SLCO3A1: variants seen among roughly 807,000 people sequenced by gnomAD.
The protein encoded by SLCO3A1 is solute carrier organic anion transporter family member 3A1.
In SLCO3A1, 27 loss-of-function variants were observed where a neutral mutation model predicts 63.1. The ratio of observed to expected loss-of-function variants is 0.43; its 90% CI spans 0.32 to 0.59. The LOEUF (loss-of-function observed/expected upper bound fraction) is 0.59. Ranked by LOEUF, SLCO3A1 falls within the 20% of genes least tolerant of loss-of-function variation. The pLI is 0.09. For missense variants in SLCO3A1, 773 were observed against 945.8 expected, an observed-to-expected ratio of 0.82 and a Z score of 2.40; for synonymous variants, 473 against 409.9, an observed-to-expected ratio of 1.15 and a Z score of -1.86.
At chr15:91,953,945 T>G (rs1049163596) in intron 2 of SLCO3A1, among the ~76,000 whole-genome samples, 1 of 152,224 alleles carries the variant, frequency 6.6e-6, no homozygotes, top group African/African-American at 2.4e-5. Flanking sequence ...AGACTTTTCA[T>G]TCTCAGGACT....
At position 91,926,596 on chromosome 15, in the gene SLCO3A1, T is replaced by TGC. The variant is rs141222641; in HGVS notation, c.646+10147_646+10148dup. 3.0e-3 allele frequency among the ~76,000 whole-genome samples: 317 copies of TGC among 105,234 alleles called. 3 individuals are homozygous for TGC. The highest frequency in any genetic ancestry group is 5.2e-3 in the South Asian group (17 of 3,272). 69.0% of individuals were successfully genotyped at this position (105,234 alleles called of 152,430 possible). On this transcript the variant is annotated intron_variant, in intron 2 of 9. Coordinates refer to ENST00000318445, the MANE Select transcript of SLCO3A1 (RefSeq NM_013272.4). ...GTGTGTGTGTGTGTGTGTGTGTGTG[T>TGC]GCGCGCGCGCACGCCCATGCTTATT...
At chr15:92,143,485 A>ATATAATATATATATATATATATAT (rs2048177916) in intron 7 of SLCO3A1, among the ~76,000 whole-genome samples, 1 of 29,920 alleles carries the variant, frequency 3.3e-5, no homozygotes, top group African/African-American at 1.7e-4. Context: ...TATATATATT[A>ATATAATATATATATATATATATAT]TATATATGTA....
chr15:92,124,785 C>T (rs147028144), intron 5 of SLCO3A1, among the ~76,000 whole-genome samples: 1 of 152,258 alleles, frequency 6.6e-6, no homozygotes, highest in South Asian at 2.1e-4. Context: ...GGAAACCTGT[C>T]TGAAGAGAGT....
intron 3 of SLCO3A1, among the ~76,000 whole-genome samples, chr15:92,102,720 C>A (rs1245865537): frequency 1.3e-5 from 2 of 152,294 alleles, no homozygotes; most frequent in African/African-American, 2.4e-5. Flanking sequence ...CCAAAGGCCA[C>A]TTGCTACCTA....
intron 2 of SLCO3A1, among the ~76,000 whole-genome samples, chr15:92,017,288 G>T (rs61295725): frequency 1.3e-5 from 2 of 151,982 alleles, no homozygotes; most frequent in Admixed American, 6.5e-5. Context: ...CTGGGATTGG[G>T]GGGGGGTAGG....
In SLCO3A1 at chr15:92,066,572, T is replaced by G. The variant is rs1318985798; in HGVS notation, c.647-28309T>G. On this transcript the variant is annotated intron_variant, in intron 2 of 9. Coordinates refer to ENST00000318445, the MANE Select transcript of SLCO3A1 (RefSeq NM_013272.4). ...TCTTACTGGTGAGTTCAAGTCCATA[T>G]TCTTCTATTTACTCTGTTTGTGTGG... 2.6e-5 allele frequency among the ~76,000 whole-genome samples: 4 copies of G among 152,228 alleles called. No individual in the cohort carries two copies. In the East Asian group the frequency reaches 7.7e-4, roughly 29 times the overall value.
At chr15:92,126,383 C>T (rs1262530137) in intron 6 of SLCO3A1, 124 bp downstream of exon 6, 2 of 709,754 alleles carry the variant, frequency 2.8e-6, no homozygotes, top group Non-Finnish European at 4.9e-6. Context: ...ACGGCTGCCT[C>T]TGCATCTTAC....
intron 7 of SLCO3A1, among the ~76,000 whole-genome samples, chr15:92,129,743 GC>G (rs1282117380): frequency 6.6e-6 from 1 of 152,072 alleles, no homozygotes; most frequent in Non-Finnish European, 1.5e-5. Flanking sequence ...TCTTTCAGGA[GC>G]AGCAATTTCT....
At chr15:92,070,915 G>T (rs1384651144) in intron 2 of SLCO3A1, among the ~76,000 whole-genome samples, 2 of 152,090 alleles carry the variant, frequency 1.3e-5, no homozygotes, top group African/African-American at 2.4e-5. Context: ...TAAATTTTAT[G>T]TTATGGACAT....
chr15:91,951,177 A>G (rs1043699237), intron 2 of SLCO3A1, among the ~76,000 whole-genome samples: 1 of 152,190 alleles, frequency 6.6e-6, no homozygotes, highest in African/African-American at 2.4e-5. Context: ...CTAATTCTAC[A>G]ACATTTCATC....
At chr15:91,992,662 C>A (rs1183832030) in intron 2 of SLCO3A1, among the ~76,000 whole-genome samples, 1 of 152,166 alleles carries the variant, frequency 6.6e-6, no homozygotes, top group Non-Finnish European at 1.5e-5. Flanking sequence ...TTTATGCTCC[C>A]TTGCTACCAG....
rs1555424441 is a variant in SLCO3A1 at position 92,016,254 on chromosome 15, T to TTAGATAGA, written c.647-78605_647-78598dup. On this transcript the variant is annotated intron_variant, in intron 2 of 9. Coordinates refer to ENST00000318445, the MANE Select transcript of SLCO3A1 (RefSeq NM_013272.4). ...ATAGATAGATAGATAGATAGATAGATTAGATAGATAGATAGATAGATAGAT... is the reference window on the plus strand; with the variant it reads ...ATAGATAGATAGATAGATAGATAGATTAGATAGATAGATAGATAGATAGATAGATAGAT... Among the ~76,000 whole-genome samples, 691 of 95,658 alleles carry TTAGATAGA rather than the reference T, an allele frequency of 7.2e-3. 3 individuals are homozygous for TTAGATAGA. The highest frequency in any genetic ancestry group is 0.027 in the Admixed American group (214 of 8,072). The allele number at this position is 95,658 out of a possible 152,430, so 62.8% of individuals were successfully genotyped here.
intron 7 of SLCO3A1, among the ~76,000 whole-genome samples, chr15:92,135,773 T>G (rs927003756): frequency 6.6e-6 from 1 of 152,206 alleles, no homozygotes; most frequent in Non-Finnish European, 1.5e-5. Flanking sequence ...TCTCAGCTAT[T>G]AGAACATCAG....
At chr15:91,893,300 T>C (rs1377337133) in intron 1 of SLCO3A1, among the ~76,000 whole-genome samples, 1 of 152,246 alleles carries the variant, frequency 6.6e-6, no homozygotes, top group East Asian at 1.9e-4. Context: ...TGAGATTCAC[T>C]TGGTCTGTGT....
chr15:92,126,470 G>C (rs187734191), intron 6 of SLCO3A1, among the ~76,000 whole-genome samples: 1 of 152,270 alleles, frequency 6.6e-6, no homozygotes, highest in East Asian at 1.9e-4. Context: ...GGAAGCACTG[G>C]GGGAGAAGAG....
At chr15:92,034,587 G>C (rs775223759) in intron 2 of SLCO3A1, among the ~76,000 whole-genome samples, 1 of 151,736 alleles carries the variant, frequency 6.6e-6, no homozygotes, top group Non-Finnish European at 1.5e-5. Context: ...GAGACCAGGG[G>C]AAGCATCCAG....
At chr15:91,960,055 C>A (rs1210478984) in intron 2 of SLCO3A1, among the ~76,000 whole-genome samples, 2 of 152,068 alleles carry the variant, frequency 1.3e-5, no homozygotes, top group African/African-American at 4.8e-5. Context: ...ACAATCTCGG[C>A]TCACTGCAAC....
At chr15:92,092,441 T>C (rs2047488814) in intron 2 of SLCO3A1, among the ~76,000 whole-genome samples, 1 of 151,902 alleles carries the variant, frequency 6.6e-6, no homozygotes, top group African/African-American at 2.4e-5. Context: ...GCAAGAGAAT[T>C]GTATCCCTGT....
At chr15:92,045,924 G>A (rs1401926881) in intron 2 of SLCO3A1, among the ~76,000 whole-genome samples, 1 of 152,144 alleles carries the variant, frequency 6.6e-6, no homozygotes, top group Non-Finnish European at 1.5e-5. Context: ...AAATCTAACT[G>A]GCATCGCTCT....
Sources: gnomAD v4.1 joint callset for allele counts (sites outside exome capture counted in the v4.1 genomes callset) on GRCh38, gnomAD v4.1.1 for gene constraint, MANE v1.5 for transcripts, NCBI Gene and HGNC (gene_info 2026-07-23, HGNC 2026-07-21) for gene names.